The following CEP44 variants were observed in gnomAD, a reference collection of about 807,000 sequenced individuals.
CEP44 encodes centrosomal protein of 44 kDa.
In CEP44, 45 loss-of-function variants were observed where a neutral mutation model predicts 46.7. The observed-to-expected ratio is 0.96, with a 90% CI of 0.76 to 1.24. The LOEUF is 1.24. Among genes scored for constraint, CEP44 ranks in the 50% most tolerant of loss-of-function variants. The pLI is 0.00. For missense variants in CEP44, 475 were observed against 459.7 expected (o/e 1.03, Z -0.30); for synonymous variants, 142 against 146.0 (o/e 0.97, Z 0.20).
rs1560916152 is a variant in CEP44, at chr4:174,316,219, AGT to A, written c.1016_1017del (p.Ser339AsnfsTer14). ...PASIPLSSGY[S>X]TASSDSTPRA... ...AAGTATTCCTCTGTCCTCTGGCTAT[AGT>A]ACAGCATCATCAGATTCAACTCCCA... is the stretch of plus-strand genomic sequence containing the variant. On this transcript the variant is annotated frameshift_variant, in exon 10 of 12. Coordinates refer to ENST00000503780, the MANE Select transcript of CEP44 (RefSeq NM_001040157.3). LOFTEE classifies it high-confidence loss of function. 4 of 1,613,822 alleles carry A rather than the reference AGT, an allele frequency of 2.5e-6. No homozygotes were observed. The highest frequency in any genetic ancestry group is 3.4e-6 in the Non-Finnish European group (4 of 1,179,754).
intron 2 of CEP44, among the ~76,000 whole-genome samples, chr4:174,298,586 T>G (rs1739351211): frequency 1.3e-5 from 2 of 152,198 alleles, no homozygotes; most frequent in African/African-American, 4.8e-5. Context: ...TTTTAAAATG[T>G]ATTTTTAGTT....
chr4:174,308,969 A>C lies in CEP44; in HGVS notation c.678+110A>C. 5.4e-6 allele frequency: 5 copies of C among 921,146 alleles called. No individual in the cohort carries two copies. In the South Asian group the frequency reaches 6.1e-5, roughly 11 times the overall value. 57.1% of individuals were successfully genotyped at this position (921,146 alleles called of 1,614,324 possible). On this transcript the variant is annotated intron_variant, in intron 7 of 11. Coordinates refer to ENST00000503780, the MANE Select transcript of CEP44 (RefSeq NM_001040157.3). ...TTTCTAGCCTTTTGAATTATTAATC[A>C]TGACATTTTATCTATGTTACAATTA...
chr4:174,299,131 G>T lies in CEP44; in HGVS notation c.10G>T (p.Gly4Cys). ...AATCTGATGTTAAGTAATGGCAACAGGTGACTTAAAAAGAAGCTTACGGAA... is the reference window on the plus strand; with the variant it reads ...AATCTGATGTTAAGTAATGGCAACATGTGACTTAAAAAGAAGCTTACGGAA... MATGDLKRSLRNLE... is the reference protein window; with the variant it reads MATCDLKRSLRNLE... Residue 4 changes from glycine (G) to cysteine (C), a missense_variant, in exon 3 of 12, where the codon GGT becomes TGT. By Grantham distance (159) the Gly-to-Cys change is radical. Transcript: ENST00000503780. The T allele has an allele frequency of 1.9e-6, 3 of 1,612,510 alleles. No individual in the cohort carries two copies. The highest frequency in any genetic ancestry group is 2.5e-6 in the Non-Finnish European group (3 of 1,179,354).
chr4:174,297,292 T>C lies in CEP44; in HGVS notation c.-147-674T>C, dbSNP rs1439509669. 6.6e-6 allele frequency among the ~76,000 whole-genome samples: 1 copy of C among 152,170 alleles called. No homozygotes were observed. The highest frequency in any genetic ancestry group is 1.9e-4 in the East Asian group (1 of 5,196). ...TCATTTTGAAATTTTTTCTCTATATTATCTCTATTTCCACCAAATTTTTCT... is the reference window on the plus strand; with the variant it reads ...TCATTTTGAAATTTTTTCTCTATATCATCTCTATTTCCACCAAATTTTTCT... On this transcript the variant is annotated intron_variant, in intron 1 of 11. Coordinates refer to ENST00000503780, the MANE Select transcript of CEP44 (RefSeq NM_001040157.3). This position sits in a 1 kb window ranked among gnomAD's most constrained non-coding sequence, Gnocchi z 4.3.
At chr4:174,315,563 G>C (rs1172573899) in intron 9 of CEP44, among the ~76,000 whole-genome samples, 1 of 152,086 alleles carries the variant, frequency 6.6e-6, no homozygotes, top group Non-Finnish European at 1.5e-5. Flanking sequence ...AAAAAAATTT[G>C]TGAAATGCTT....
At position 174,319,188 on chromosome 4, in the gene CEP44, A is replaced by T. The variant is rs184424931; in HGVS notation, c.*1805A>T. 24,417 of 977,604 alleles carry T rather than the reference A, an allele frequency of 0.025. 339 individuals carry two copies. The highest frequency in any genetic ancestry group is 0.027 in the Non-Finnish European group (22,553 of 822,840). 60.6% of individuals were successfully genotyped at this position (977,604 alleles called of 1,614,324 possible). On this transcript the variant is annotated 3_prime_UTR_variant, in exon 12 of 12. Coordinates refer to ENST00000503780, the MANE Select transcript of CEP44 (RefSeq NM_001040157.3). Reference sequence around the variant, plus strand: ...ACAGAAACATACAATTTTGAATTTAACAGAGTTTCAGTAAATATTTCCAGA... The same window carrying T: ...ACAGAAACATACAATTTTGAATTTATCAGAGTTTCAGTAAATATTTCCAGA...
At chr4:174,315,516 TTATAG>T (rs1189805224) in intron 9 of CEP44, among the ~76,000 whole-genome samples, 7 of 152,102 alleles carry the variant, frequency 4.6e-5, no homozygotes, top group Admixed American at 4.6e-4. Flanking sequence ...ATATGGTCAG[TTATAG>T]TAATAGTTGT....
At chr4:174,293,029 ATCT>A (rs1259433800) in intron 1 of CEP44, among the ~76,000 whole-genome samples, 2 of 152,170 alleles carry the variant, frequency 1.3e-5, no homozygotes, top group Non-Finnish European at 2.9e-5. Flanking sequence ...GTAGATGAAG[ATCT>A]TCTCTTGCTG....
chr4:174,294,406 A>G (rs956352733), intron 1 of CEP44, among the ~76,000 whole-genome samples: 73 of 152,130 alleles, frequency 4.8e-4, no homozygotes, highest in African/African-American at 1.7e-3. Flanking sequence ...AATTTTTCTT[A>G]GTACAGAACA....
At chr4:174,293,836 G>A (rs1004316851) in intron 1 of CEP44, among the ~76,000 whole-genome samples, 2 of 152,128 alleles carry the variant, frequency 1.3e-5, no homozygotes, top group African/African-American at 4.8e-5. Context: ...TGTTGAATAG[G>A]AGTGGTGAGA....
At chr4:174,300,453 C>T (rs1455982823) in intron 3 of CEP44, among the ~76,000 whole-genome samples, 3 of 152,072 alleles carry the variant, frequency 2.0e-5, no homozygotes, top group South Asian at 2.1e-4. Context: ...CTCCTTGCCA[C>T]TTTAAGTGTC....
rs1321874444 is a variant in CEP44 at position 174,287,299 on chromosome 4, A to G, written c.-148+3356A>G. ...ACAGATTTTGGTTCTTTATTATGAT[A>G]AGTACCAAGAAGGAAAAGAACTGGG... On this transcript the variant is annotated intron_variant, in intron 1 of 11. Coordinates refer to ENST00000503780, the MANE Select transcript of CEP44 (RefSeq NM_001040157.3). The surrounding 1 kb of genome is among the most constrained non-coding windows in gnomAD (Gnocchi z 5.1). 6.6e-6 allele frequency among the ~76,000 whole-genome samples: 1 copy of G among 152,168 alleles called. No individual in the cohort carries two copies. The highest frequency in any genetic ancestry group is 2.4e-5 in the African/African-American group (1 of 41,434).
At chr4:174,298,170 A>ATTTTTTTTTTTTTTTT (rs35951093) in intron 2 of CEP44, 108 bp downstream of exon 2, 1 of 81,256 alleles carries the variant, frequency 1.2e-5, no homozygotes, top group Non-Finnish European at 2.2e-5. Flanking sequence ...GGTATATATG[A>ATTTTTTTTTTTTTTTT]TTTTTTTTTT....
chr4:174,297,434 A>AG lies in CEP44; in HGVS notation c.-147-530dup, dbSNP rs980909268. On this transcript the variant is annotated intron_variant, in intron 1 of 11. Coordinates refer to ENST00000503780, the MANE Select transcript of CEP44 (RefSeq NM_001040157.3). The surrounding 1 kb of genome is among the most constrained non-coding windows in gnomAD (Gnocchi z 4.3). ...TTAAACATGAGTCTCTAAGAAAAAA[A>AG]GGTGCCTGGTTAGGGCTTATCAATA... Among the ~76,000 whole-genome samples, 2 of 152,194 alleles carry AG rather than the reference A, an allele frequency of 1.3e-5. No individual in the cohort carries two copies. Among genetic ancestry groups the AG allele is most frequent in the African/African-American group, 2.4e-5 (1 of 41,456 alleles).
chr4:174,304,304 A>T lies in CEP44; in HGVS notation c.442A>T (p.Asn148Tyr). The T allele has an allele frequency of 6.2e-7, 1 of 1,611,816 alleles. No homozygotes were observed. Among genetic ancestry groups the T allele is most frequent in the African/African-American group, 1.3e-5 (1 of 74,898 alleles). Residue 148 changes from asparagine to tyrosine, a missense_variant, in exon 6 of 12, where the codon AAT becomes TAT. Physicochemically the swap from Asn to Tyr is moderately radical, Grantham distance 143. Coordinates refer to ENST00000503780, the MANE Select transcript of CEP44 (RefSeq NM_001040157.3). ...SSGKSEPPLG[N>Y]EKISAEAVGV... ...TGGTAAGTCAGAACCTCCTTTGGGCAATGAGAAAATATCTGCAGAGGCTGT... is the reference window on the plus strand; with the variant it reads ...TGGTAAGTCAGAACCTCCTTTGGGCTATGAGAAAATATCTGCAGAGGCTGT...
rs928292091 is a variant in CEP44, at chr4:174,314,203, A to G, written c.962-1963A>G. ...TTCTTAGCAGTCACTACTGAAGTAC[A>G]TAACAACTGGTGTCAGGGTCCTTGT... On this transcript the variant is annotated intron_variant, in intron 9 of 11. Coordinates refer to ENST00000503780, the MANE Select transcript of CEP44 (RefSeq NM_001040157.3). This position sits in a 1 kb window ranked among gnomAD's most constrained non-coding sequence, Gnocchi z 4.1. Among the ~76,000 whole-genome samples the G allele has an allele frequency of 1.3e-5, 2 of 152,184 alleles. No individual in the cohort carries two copies. Among genetic ancestry groups the G allele is most frequent in the Admixed American group, 6.5e-5 (1 of 15,280 alleles).
chr4:174,291,026 C>T (rs550515491), intron 1 of CEP44, among the ~76,000 whole-genome samples: 89 of 152,220 alleles, frequency 5.8e-4, no homozygotes, highest in Non-Finnish European at 1.1e-3. Flanking sequence ...TTTTAGCCTA[C>T]GTGTGTCCTT....
intron 1 of CEP44, among the ~76,000 whole-genome samples, chr4:174,294,288 A>T (rs1242660666): frequency 6.6e-5 from 10 of 151,832 alleles, no homozygotes; most frequent in Non-Finnish European, 8.8e-5. Context: ...AACAAAGCAC[A>T]TCTTGCACCA....
chr4:174,310,182 T>C lies in CEP44; in HGVS notation c.885+126T>C. 3 of 865,368 alleles carry C rather than the reference T, an allele frequency of 3.5e-6. No homozygotes were observed. The highest frequency in any genetic ancestry group is 3.8e-5 in the South Asian group (2 of 53,228). 53.6% of individuals were successfully genotyped at this position (865,368 alleles called of 1,614,324 possible). A position where few individuals can be genotyped will look rare whatever the true frequency, so the allele number is the denominator to read the frequency against. ...ATTTGAATAATGAGAAAATGTCTAGTTAGAATGAAGTCCTGTTTAAATATA... is the reference window on the plus strand; with the variant it reads ...ATTTGAATAATGAGAAAATGTCTAGCTAGAATGAAGTCCTGTTTAAATATA... On this transcript the variant is annotated intron_variant, in intron 8 of 11. Transcript: ENST00000503780. The surrounding 1 kb of genome is among the most constrained non-coding windows in gnomAD (Gnocchi z 4.2).
Sources: gnomAD v4.1 joint callset for allele counts (sites outside exome capture counted in the v4.1 genomes callset) on GRCh38, gnomAD v4.1.1 for gene constraint, Gnocchi (gnomAD v3.1) non-coding constraint, MANE v1.5 for transcripts, NCBI Gene and HGNC (gene_info 2026-07-23, HGNC 2026-07-21) for gene names.